STAC: variants seen among roughly 807,000 people sequenced by gnomAD.
STAC encodes SH3 and cysteine-rich domain-containing protein.
A neutral mutation model predicts 48.8 loss-of-function variants in STAC; 43 were observed. The ratio of observed to expected loss-of-function variants is 0.88; its 90% CI spans 0.69 to 1.14. The LOEUF (loss-of-function observed/expected upper bound fraction) is 1.14, where lower values mean the gene tolerates loss of function less well. STAC is among the 50% of genes most tolerant of loss of function. The probability of loss-of-function intolerance (pLI) is 0.00; values close to 1 mark genes in which losing one functional copy is unlikely to be tolerated. For missense variants in STAC, 497 were observed against 504.0 expected, an observed-to-expected ratio of 0.99 and a Z score of 0.13; for synonymous variants, 193 against 179.5, an observed-to-expected ratio of 1.07 and a Z score of -0.60.
At chr3:36,470,779 T>C (rs1268073166) in intron 2 of STAC, among the ~76,000 whole-genome samples, 1 of 152,234 alleles carries the variant, frequency 6.6e-6, no homozygotes, top group Non-Finnish European at 1.5e-5. Flanking sequence ...ATCTTCAAAA[T>C]CTCCCATTTT....
chr3:36,482,549 C>A (rs1014676585), intron 2 of STAC, among the ~76,000 whole-genome samples: 2 of 152,232 alleles, frequency 1.3e-5, no homozygotes, highest in Non-Finnish European at 1.5e-5. Context: ...CACAGACCTG[C>A]CCTTCCCCCT....
chr3:36,511,020 A>T lies in STAC; in HGVS notation c.920+5186A>T, dbSNP rs568000455. On this transcript the variant is annotated intron_variant, in intron 8 of 10. Coordinates refer to ENST00000273183, the MANE Select transcript of STAC (RefSeq NM_003149.3). ...TTAACATTGATAGAAAAATCAAACTAAAACTATCAGAGTCAATCAGGAACT... is the reference window on the plus strand; with the variant it reads ...TTAACATTGATAGAAAAATCAAACTTAAACTATCAGAGTCAATCAGGAACT... Among the ~76,000 whole-genome samples the T allele has an allele frequency of 2.1e-3, 320 of 151,800 alleles. 1 individual carries two copies. Among genetic ancestry groups the T allele is most frequent in the Middle Eastern group, 6.9e-3 (2 of 288 alleles).
intron 8 of STAC, among the ~76,000 whole-genome samples, chr3:36,523,789 T>G (rs1454158956): frequency 2.0e-5 from 3 of 152,202 alleles, no homozygotes; most frequent in Admixed American, 1.3e-4. Context: ...ACCATTCCTT[T>G]GGGACCAATG....
At chr3:36,392,508 T>TTTTA (rs1292109000) in intron 1 of STAC, among the ~76,000 whole-genome samples, 4 of 151,994 alleles carry the variant, frequency 2.6e-5, no homozygotes, top group African/African-American at 4.8e-5. Context: ...CCCAGCTAAT[T>TTTTA]TTTATTTATT....
intron 8 of STAC, among the ~76,000 whole-genome samples, chr3:36,523,564 G>A (rs879849652): frequency 3.3e-5 from 5 of 152,306 alleles, no homozygotes; most frequent in East Asian, 1.9e-4. Context: ...AACTCTAGAC[G>A]TAATGTATCA....
intron 1 of STAC, among the ~76,000 whole-genome samples, chr3:36,441,681 A>C (rs183097123): frequency 2.0e-5 from 3 of 152,288 alleles, no homozygotes; most frequent in African/African-American, 7.2e-5. Flanking sequence ...ACTGTTCTTC[A>C]TAGTGGTTGC....
chr3:36,487,776 TG>T (rs1256219398), intron 5 of STAC, among the ~76,000 whole-genome samples: 1 of 152,228 alleles, frequency 6.6e-6, no homozygotes, highest in African/African-American at 2.4e-5. Flanking sequence ...ATAGTAAAGA[TG>T]AAAAATGTTT....
In STAC at chr3:36,525,068, GT is replaced by G. The variant is rs1475652010; in HGVS notation, c.921-3621del. Among the ~76,000 whole-genome samples the G allele has an allele frequency of 5.3e-5, 8 of 151,904 alleles. No individual in the cohort carries two copies. In the South Asian group the frequency reaches 6.2e-4, roughly 12 times the overall value. ...TTTATTATTAGTATCTATTTATTAA[GT>G]TTTTTTATCTATTTACTTGTTTATT... On this transcript the variant is annotated intron_variant, in intron 8 of 10. Transcript: ENST00000273183.
chr3:36,546,429 A>G lies in STAC; in HGVS notation c.*140A>G. Reference sequence around the variant, plus strand: ...GTGAGACAAGAATCAAGTATCTGAGACTGTGGAGTAATAGCCACAAAACAG... The same window carrying G: ...GTGAGACAAGAATCAAGTATCTGAGGCTGTGGAGTAATAGCCACAAAACAG... On this transcript the variant is annotated 3_prime_UTR_variant, in exon 11 of 11. Coordinates refer to ENST00000273183, the MANE Select transcript of STAC (RefSeq NM_003149.3). The G allele has an allele frequency of 1.4e-6, 1 of 703,064 alleles. No individual in the cohort carries two copies. Among genetic ancestry groups the G allele is most frequent in the Non-Finnish European group, 2.4e-6 (1 of 412,314 alleles). The allele number at this position is 703,064 out of a possible 1,614,324, so 43.6% of individuals were successfully genotyped here.
chr3:36,398,368 AAAAG>A (rs1220900639), intron 1 of STAC, among the ~76,000 whole-genome samples: 1 of 102,880 alleles, frequency 9.7e-6, no homozygotes, highest in African/African-American at 3.8e-5. Context: ...AGAAAGAAAG[AAAAG>A]AAAGAGAGAA....
At chr3:36,387,891 A>G (rs1372058519) in intron 1 of STAC, among the ~76,000 whole-genome samples, 1 of 151,992 alleles carries the variant, frequency 6.6e-6, no homozygotes, top group East Asian at 1.9e-4. Flanking sequence ...TCTATGTTTA[A>G]TTTTTTGAGA....
chr3:36,463,778 C>T (rs368087439), intron 2 of STAC, among the ~76,000 whole-genome samples: 3 of 149,804 alleles, frequency 2.0e-5, no homozygotes, highest in Non-Finnish European at 4.4e-5. Flanking sequence ...GGTTTTTTGT[C>T]CTTGCGATAG....
At chr3:36,455,682 C>T (rs932217646) in intron 2 of STAC, among the ~76,000 whole-genome samples, 28 of 152,078 alleles carry the variant, frequency 1.8e-4, no homozygotes, top group Non-Finnish European at 2.9e-5. Flanking sequence ...GATACCACAT[C>T]ATAAAATGAC....
At chr3:36,524,064 C>T (rs956129762) in intron 8 of STAC, among the ~76,000 whole-genome samples, 2 of 151,834 alleles carry the variant, frequency 1.3e-5, no homozygotes, top group African/African-American at 4.8e-5. Context: ...CCAGGGGCTC[C>T]CTGTAGATTG....
Position 36,380,633 on chromosome 3 carries a change from G to C in STAC, c.-11G>C, listed in dbSNP as rs751447174. 291 of 1,572,852 alleles carry C rather than the reference G, an allele frequency of 1.9e-4. 1 individual carries two copies. The highest frequency in any genetic ancestry group is 2.4e-4 in the Non-Finnish European group (283 of 1,157,758). The stretch of plus-strand genomic sequence containing the variant: ...CCTCCGGGAGCCCAACACCGTTCCC[G>C]CGCGGCCACGATGATCCCTCCGAGC... On this transcript the variant is annotated 5_prime_UTR_variant, in exon 1 of 11. Coordinates refer to ENST00000273183, the MANE Select transcript of STAC (RefSeq NM_003149.3).
At chr3:36,448,261 G>A (rs899785008) in intron 2 of STAC, among the ~76,000 whole-genome samples, 8 of 149,862 alleles carry the variant, frequency 5.3e-5, no homozygotes, top group Admixed American at 2.0e-4. Context: ...TTGCTCTGTC[G>A]CCCAGGCTGG....
At chr3:36,434,638 G>A (rs573762398) in intron 1 of STAC, among the ~76,000 whole-genome samples, 2 of 152,238 alleles carry the variant, frequency 1.3e-5, no homozygotes, top group Admixed American at 1.3e-4. Context: ...CGCCTGTGTG[G>A]GCAGACTCTT....
rs555851914 is a variant in STAC, at chr3:36,455,670, T to TG, written c.388+12032dup. On this transcript the variant is annotated intron_variant, in intron 2 of 10. Transcript: ENST00000273183. ...GGTCCTCTTTGTTGTGCAGCCACAGTGGATACCACATCATAAAATGACAGA... is the reference window on the plus strand; with the variant it reads ...GGTCCTCTTTGTTGTGCAGCCACAGTGGGATACCACATCATAAAATGACAGA... Among the ~76,000 whole-genome samples the TG allele has an allele frequency of 1.3e-3, 196 of 152,172 alleles. 1 individual carries two copies. The highest frequency in any genetic ancestry group is 4.2e-3 in the African/African-American group (174 of 41,496).
At chr3:36,524,418 C>G (rs112058982) in intron 8 of STAC, among the ~76,000 whole-genome samples, 16,993 of 151,920 alleles carry the variant, frequency 0.11, 1,139 homozygotes, top group Non-Finnish European at 0.15. Context: ...GTGGTGAAAC[C>G]CTGTCTCTAC....
Sources: allele counts gnomAD v4.1 joint callset (sites outside exome capture counted in the v4.1 genomes callset), GRCh38; gene constraint gnomAD v4.1.1; transcripts MANE v1.5; gene names NCBI Gene and HGNC (gene_info 2026-07-23, HGNC 2026-07-21).